The following DPP6 variants were observed in gnomAD, a reference collection of about 807,000 sequenced individuals.
The protein encoded by DPP6 is A-type potassium channel modulatory protein DPP6.
A neutral mutation model predicts 122.6 loss-of-function variants in DPP6; 69 were observed. That is an observed-to-expected ratio of 0.56 (90% confidence interval 0.46 to 0.69). The LOEUF (loss-of-function observed/expected upper bound fraction) is 0.69, where lower values mean the gene tolerates loss of function less well. Among genes scored for constraint, DPP6 ranks in the 30% least tolerant of loss-of-function variants. The pLI, the probability that DPP6 is intolerant of heterozygous loss-of-function variation, is 0.00. For missense variants in DPP6, 928 were observed against 1,116.9 expected (o/e 0.83, Z 2.41); for synonymous variants, 418 against 433.1 (o/e 0.97, Z 0.43).
At chr7:154,790,676 C>T (rs980016326) in intron 10 of DPP6, among the ~76,000 whole-genome samples, 1 of 152,016 alleles carries the variant, frequency 6.6e-6, no homozygotes, top group African/African-American at 2.4e-5. Context: ...TGAGGTGAGC[C>T]ACATTCTGCC....
At chr7:154,538,388 C>G (rs951037008) in intron 3 of DPP6, among the ~76,000 whole-genome samples, 6 of 152,112 alleles carry the variant, frequency 3.9e-5, no homozygotes, top group Admixed American at 6.5e-5. Flanking sequence ...CTGATGCTCT[C>G]CCTCCTCCTG....
intron 1 of DPP6, among the ~76,000 whole-genome samples, chr7:154,378,665 C>A (rs1220480146): frequency 6.6e-6 from 1 of 152,134 alleles, no homozygotes; most frequent in Non-Finnish European, 1.5e-5. Flanking sequence ...ACCCTCATGA[C>A]CCAATTACCT....
chr7:154,242,381 A>AGTGTGTGTGTGTGTGTGTGTGTGTGTGT (rs139152037), intron 1 of DPP6, among the ~76,000 whole-genome samples: 3 of 150,194 alleles, frequency 2.0e-5, no homozygotes, highest in African/African-American at 7.3e-5. Context: ...AGAGGCAATG[A>AGTGTGTGTGTGTGTGTGTGTGTGTGTGT]GTGTGTGTGT....
At chr7:154,242,435 CA>C (rs1358101515) in intron 1 of DPP6, among the ~76,000 whole-genome samples, 3 of 149,952 alleles carry the variant, frequency 2.0e-5, no homozygotes, top group Non-Finnish European at 4.5e-5. Context: ...CATAGGCTAG[CA>C]AATGAAAACT....
At chr7:154,169,567 A>G (rs1339674148) in intron 1 of DPP6, among the ~76,000 whole-genome samples, 2 of 152,148 alleles carry the variant, frequency 1.3e-5, no homozygotes, top group African/African-American at 4.8e-5. Context: ...CTCCTGTGAT[A>G]ATTGGGTGTG....
At chr7:154,472,254 T>C (rs1822339998) in intron 2 of DPP6, among the ~76,000 whole-genome samples, 1 of 152,250 alleles carries the variant, frequency 6.6e-6, no homozygotes, top group African/African-American at 2.4e-5. Flanking sequence ...AATTTCAGAA[T>C]ATCAAATACA....
chr7:154,345,012 C>T (rs902008864), intron 1 of DPP6, among the ~76,000 whole-genome samples: 13 of 152,158 alleles, frequency 8.5e-5, no homozygotes, highest in Admixed American at 5.2e-4. Context: ...TGTGACCGCT[C>T]GGCAAATATC....
At chr7:154,179,217 G>A (rs1316324084) in intron 1 of DPP6, among the ~76,000 whole-genome samples, 2 of 152,182 alleles carry the variant, frequency 1.3e-5, no homozygotes, top group African/African-American at 4.8e-5. Flanking sequence ...TTAGAACTCA[G>A]CATTGCATTC....
At chr7:154,374,762 C>G (rs1812985433) in intron 1 of DPP6, among the ~76,000 whole-genome samples, 1 of 152,046 alleles carries the variant, frequency 6.6e-6, no homozygotes, top group Non-Finnish European at 1.5e-5. Context: ...CAGGCGCCTG[C>G]CACCAGGCCC....
intron 6 of DPP6, 79 bp downstream of exon 6, chr7:154,637,952 C>T (rs1835834352): frequency 1.4e-6 from 2 of 1,456,152 alleles, no homozygotes; most frequent in South Asian, 2.6e-5. Flanking sequence ...AGCTGTTTAA[C>T]CCTTAGGGCG....
chr7:154,640,575 T>TAAA, intron 6 of DPP6, among the ~76,000 whole-genome samples: 1 of 152,272 alleles, frequency 6.6e-6, no homozygotes, highest in South Asian at 2.1e-4. Context: ...AGAGTCTTAT[T>TAAA]TGTCTTAATG....
chr7:153,801,877 T>A, the DPP6 span, among the ~76,000 whole-genome samples: 1 of 152,142 alleles, frequency 6.6e-6, no homozygotes, highest in Non-Finnish European at 1.5e-5. Context: ...CTGATTTCTC[T>A]GTTTCTAAAT....
intron 1 of DPP6, among the ~76,000 whole-genome samples, chr7:154,346,585 G>T (rs1810415223): frequency 1.3e-5 from 2 of 152,200 alleles, no homozygotes; most frequent in African/African-American, 4.8e-5. Context: ...GGGATTACAG[G>T]CGTGAGCCAC....
In DPP6 at chr7:154,821,195, A is replaced by G. The variant is rs1799733615; in HGVS notation, c.1666+14083A>G. Among the ~76,000 whole-genome samples, 2 of 152,240 alleles carry G rather than the reference A, an allele frequency of 1.3e-5. No individual in the cohort carries two copies. Among genetic ancestry groups the G allele is most frequent in the South Asian group, 4.1e-4 (2 of 4,824 alleles). On this transcript the variant is annotated intron_variant, in intron 16 of 25. Coordinates refer to ENST00000377770, the MANE Select transcript of DPP6 (RefSeq NM_130797.4). The surrounding 1 kb of genome is among the most constrained non-coding windows in gnomAD (Gnocchi z 4.2). ...GTTTCCCTAAACTGTGTTGGCTGCT[A>G]GAGAGCTTAGCATGAAATGTGTGGC...
intron 1 of DPP6, among the ~76,000 whole-genome samples, chr7:154,431,570 T>C (rs1021276409): frequency 4.7e-5 from 7 of 149,630 alleles, no homozygotes; most frequent in African/African-American, 1.7e-4. Context: ...ATCTTGCTCT[T>C]GTTGCCCAGG....
intron 1 of DPP6, among the ~76,000 whole-genome samples, chr7:154,326,945 C>T (rs925677617): frequency 2.0e-5 from 3 of 152,042 alleles, no homozygotes; most frequent in Non-Finnish European, 2.9e-5. Flanking sequence ...TTCACTGGGT[C>T]GCTAGAGGGT....
At chr7:154,096,261 C>A (rs1805311422) in intron 1 of DPP6, among the ~76,000 whole-genome samples, 1 of 74,910 alleles carries the variant, frequency 1.3e-5, no homozygotes, top group African/African-American at 5.5e-5. Flanking sequence ...TCTACCCATG[C>A]TATCAACTTA....
chr7:154,825,710 T>C (rs1034713361), intron 16 of DPP6, among the ~76,000 whole-genome samples: 10 of 152,236 alleles, frequency 6.6e-5, no homozygotes, highest in African/African-American at 2.4e-4. Flanking sequence ...ACACTGCTGT[T>C]TCTCCAATGT....
chr7:154,004,436 T>C (rs1331313138), intron 1 of DPP6, among the ~76,000 whole-genome samples: 1 of 151,996 alleles, frequency 6.6e-6, no homozygotes, highest in African/African-American at 2.4e-5. Context: ...CTATGCATTG[T>C]TTTATTGTTA....
Sources: gnomAD v4.1 joint callset for allele counts (sites outside exome capture counted in the v4.1 genomes callset) on GRCh38, gnomAD v4.1.1 for gene constraint, Gnocchi (gnomAD v3.1) non-coding constraint, MANE v1.5 for transcripts, NCBI Gene and HGNC (gene_info 2026-07-23, HGNC 2026-07-21) for gene names.